Variants in NELL1 observed in about 807,000 individuals in gnomAD.
NELL1 encodes the protein protein kinase C-binding protein NELL1.
A neutral mutation model predicts 107.4 loss-of-function variants in NELL1; 76 were observed. That is an observed-to-expected ratio of 0.71 (90% confidence interval 0.59 to 0.86). The LOEUF (loss-of-function observed/expected upper bound fraction) is 0.86. Ranked by LOEUF, NELL1 falls within the 40% of genes least tolerant of loss-of-function variation. The pLI is 0.00. For missense variants in NELL1, 1,024 were observed against 1,005.5 expected (o/e 1.02, Z -0.25); for synonymous variants, 353 against 341.2 (o/e 1.03, Z -0.38).
At chr11:20,994,193 A>G (rs1269214231) in intron 12 of NELL1, among the ~76,000 whole-genome samples, 2 of 152,220 alleles carry the variant, frequency 1.3e-5, no homozygotes, top group Non-Finnish European at 2.9e-5. Context: ...GTTTGAAAAC[A>G]CATACACCTA....
At chr11:21,282,390 G>A (rs183395376) in intron 14 of NELL1, among the ~76,000 whole-genome samples, 2 of 150,332 alleles carry the variant, frequency 1.3e-5, no homozygotes, top group Non-Finnish European at 1.5e-5. Flanking sequence ...TGAGGCACGG[G>A]AATCGCTTGA....
intron 14 of NELL1, among the ~76,000 whole-genome samples, chr11:21,354,933 C>A (rs1258451735): frequency 7.0e-6 from 1 of 143,856 alleles, no homozygotes; most frequent in African/African-American, 3.0e-5. Flanking sequence ...ACCTTCTGAC[C>A]TTCTTACCTG....
chr11:20,774,466 A>G (rs1856709862), intron 2 of NELL1, among the ~76,000 whole-genome samples: 1 of 149,108 alleles, frequency 6.7e-6, no homozygotes, highest in African/African-American at 2.5e-5. Flanking sequence ...TCCTGGGCTC[A>G]TGTTATCCTC....
At chr11:21,297,857 CAGATGA>C (rs1231931605) in intron 14 of NELL1, among the ~76,000 whole-genome samples, 1 of 151,726 alleles carries the variant, frequency 6.6e-6, no homozygotes, top group African/African-American at 2.4e-5. Context: ...ACTCCTGTCT[CAGATGA>C]GCCTTGACAA....
rs116087372 is a variant in NELL1 at position 21,028,302 on chromosome 11, C to T, written c.1300+67742C>T. The stretch of plus-strand genomic sequence containing the variant: ...CTAACATGCAGCCAGGATTGAGAAC[C>T]TCTGCTTTAAGCCACCTCTGGGCTG... On this transcript the variant is annotated intron_variant, in intron 12 of 19. Transcript: ENST00000357134. Among the ~76,000 whole-genome samples, 625 of 152,174 alleles carry T rather than the reference C, an allele frequency of 4.1e-3. 2 individuals carry two copies. Among genetic ancestry groups the T allele is most frequent in the African/African-American group, 0.015 (603 of 41,514 alleles).
intron 5 of NELL1, among the ~76,000 whole-genome samples, chr11:20,915,230 G>C (rs1178357415): frequency 6.6e-6 from 1 of 152,018 alleles, no homozygotes; most frequent in South Asian, 2.1e-4. Flanking sequence ...TAACCATTGT[G>C]AACTTTTAAT....
intron 13 of NELL1, among the ~76,000 whole-genome samples, chr11:21,217,522 A>G (rs914957616): frequency 1.3e-5 from 2 of 152,172 alleles, no homozygotes; most frequent in Admixed American, 6.6e-5. Flanking sequence ...TTTGGATGAC[A>G]TAGTAAAGTG....
intron 3 of NELL1, among the ~76,000 whole-genome samples, chr11:20,840,807 C>T (rs755881293): frequency 7.2e-5 from 11 of 152,170 alleles, no homozygotes; most frequent in East Asian, 3.9e-4. Flanking sequence ...ATGTGAAATT[C>T]GCATTGTAGA....
intron 5 of NELL1, among the ~76,000 whole-genome samples, chr11:20,909,964 C>T (rs1042767228): frequency 2.6e-5 from 4 of 152,118 alleles, no homozygotes; most frequent in African/African-American, 9.7e-5. Flanking sequence ...ACAACAAACC[C>T]CCAAAACTCA....
At chr11:21,497,046 C>G (rs1590980035) in intron 15 of NELL1, among the ~76,000 whole-genome samples, 3 of 151,470 alleles carry the variant, frequency 2.0e-5, no homozygotes, top group Admixed American at 6.6e-5. Context: ...TTTTGGGTTG[C>G]TTCCAAGTCT....
chr11:21,444,307 C>T (rs1309278286), intron 15 of NELL1, among the ~76,000 whole-genome samples: 3 of 152,024 alleles, frequency 2.0e-5, no homozygotes, highest in Admixed American at 6.5e-5. Context: ...AGATGAAATA[C>T]ATATATTTCA....
chr11:21,426,018 G>A (rs1002442653), intron 15 of NELL1, among the ~76,000 whole-genome samples: 2 of 152,130 alleles, frequency 1.3e-5, no homozygotes, highest in Non-Finnish European at 2.9e-5. Context: ...TCAGAAGTGG[G>A]AAGATTTGAC....
At chr11:20,759,463 A>G (rs552189322) in intron 2 of NELL1, among the ~76,000 whole-genome samples, 1 of 152,332 alleles carries the variant, frequency 6.6e-6, no homozygotes, top group Non-Finnish European at 1.5e-5. Context: ...CAATGGAACT[A>G]CAGTATTGCT....
chr11:20,745,626 C>A (rs1855986170), intron 2 of NELL1, among the ~76,000 whole-genome samples: 1 of 152,248 alleles, frequency 6.6e-6, no homozygotes, highest in Non-Finnish European at 1.5e-5. Flanking sequence ...TAATCTTTGG[C>A]TGTATACAAA....
intron 2 of NELL1, among the ~76,000 whole-genome samples, chr11:20,780,382 T>C (rs7108270): frequency 0.99 from 150,605 of 152,232 alleles, 74,520 homozygotes; most frequent in East Asian, 1. Flanking sequence ...ACTTTCTGAC[T>C]ATAATATATA....
Position 20,927,334 on chromosome 11 carries a change from T to C in NELL1, c.786T>C (p.Ser262=), listed in dbSNP as rs1204499544. ...AKLNYAETRL[S]QLENCHCEKT... is the part of the protein sequence containing the mutation. ...TAAATTATGCAGAGACAAGACTTAG[T>C]CAATTGGAAAACTGTCATTGTGAGA... The change falls in exon 8 of 20, where the codon AGT becomes AGC. Residue 262 remains serine (S), a synonymous_variant. Coordinates refer to ENST00000357134, the MANE Select transcript of NELL1 (RefSeq NM_006157.5). 6.2e-7 allele frequency: 1 copy of C among 1,612,440 alleles called. No individual in the cohort carries two copies. The highest frequency in any genetic ancestry group is 8.5e-7 in the Non-Finnish European group (1 of 1,179,580).
intron 9 of NELL1, among the ~76,000 whole-genome samples, chr11:20,929,767 T>A (rs974309319): frequency 2.0e-5 from 3 of 151,422 alleles, no homozygotes; most frequent in African/African-American, 7.3e-5. Context: ...AGGTCAGGAG[T>A]TTGAGACCAG....
intron 15 of NELL1, among the ~76,000 whole-genome samples, chr11:21,449,967 A>G (rs1853537154): frequency 6.6e-6 from 1 of 152,216 alleles, no homozygotes; most frequent in Non-Finnish European, 1.5e-5. Flanking sequence ...TAACCTTGGA[A>G]TAAGGTAGAG....
At chr11:21,423,566 A>G (rs1852746324) in intron 15 of NELL1, among the ~76,000 whole-genome samples, 1 of 152,188 alleles carries the variant, frequency 6.6e-6, no homozygotes, top group South Asian at 2.1e-4. Flanking sequence ...AGTAAAGGAT[A>G]ATACCACCAG....
Sources: allele counts gnomAD v4.1 joint callset (sites outside exome capture counted in the v4.1 genomes callset), GRCh38; gene constraint gnomAD v4.1.1; transcripts MANE v1.5; gene names NCBI Gene and HGNC (gene_info 2026-07-23, HGNC 2026-07-21).